DCX: variants seen among roughly 807,000 people sequenced by gnomAD.
The protein encoded by DCX is doublecortin.
DCX carries 4 observed loss-of-function variants against 20.9 expected under a neutral mutation model. That is an observed-to-expected ratio of 0.19 (90% CI 0.09 to 0.44). The LOEUF (loss-of-function observed/expected upper bound fraction) is 0.44, where lower values mean the gene tolerates loss of function less well. DCX is among the 20% of genes least tolerant of loss of function. The pLI is 0.99. For synonymous variants in DCX, 103 were observed against 111.4 expected (o/e 0.92, Z 0.47); for missense variants, 133 against 296.9 (o/e 0.45, Z 4.06).
chrX:111,296,801 T>C lies in DCX; in HGVS notation c.*4886A>G, dbSNP rs759483194. On this transcript the variant is annotated 3_prime_UTR_variant, in exon 7 of 7. Transcript: ENST00000636035. ...AAAAAAAAAAGTTAGTCTTGTCAAA[T>C]GATAGCCAATGTCACGCTAGCTAAG... is the stretch of plus-strand genomic sequence containing the variant. The C allele has an allele frequency of 6.7e-5, 7 of 105,165 alleles. No homozygotes were observed. The East Asian group carries it at 2.1e-3, about 31-fold the overall frequency. The allele number at this position is 105,165 out of a possible 1,213,427, so 8.7% of individuals were successfully genotyped here.
chrX:111,314,527 T>C (rs1268030374), intron 5 of DCX, among the ~76,000 whole-genome samples: 4 of 111,456 alleles, frequency 3.6e-5, no homozygotes, highest in Non-Finnish European at 7.5e-5. Context: ...AGTAGATTAA[T>C]GGTTTCCAAG....
At chrX:111,381,926 C>T (rs911070701) in intron 3 of DCX, among the ~76,000 whole-genome samples, 1 of 111,540 alleles carries the variant, frequency 9.0e-6, no homozygotes, top group Non-Finnish European at 1.9e-5. Context: ...CTAAAGCAAG[C>T]CTTTGATTCT....
At chrX:111,320,217 A>G (rs1256421911) in intron 5 of DCX, among the ~76,000 whole-genome samples, 2 of 112,103 alleles carry the variant, frequency 1.8e-5, no homozygotes, top group Admixed American at 1.9e-4. Context: ...GAGGCCCTAC[A>G]TTTACAGACT....
At chrX:111,348,184 T>C (rs1250692097) in intron 3 of DCX, among the ~76,000 whole-genome samples, 2 of 112,008 alleles carry the variant, frequency 1.8e-5, no homozygotes, top group Admixed American at 1.9e-4. Flanking sequence ...TCTGACACTA[T>C]AGGTACCTAA....
chrX:111,349,514 G>C (rs751037742), intron 3 of DCX, among the ~76,000 whole-genome samples: 17 of 111,194 alleles, frequency 1.5e-4, no homozygotes, highest in Non-Finnish European at 3.2e-4. Flanking sequence ...GGAGAGTGTA[G>C]GCATGAGAGG....
At chrX:111,335,084 C>T (rs895488449) in intron 3 of DCX, among the ~76,000 whole-genome samples, 3 of 111,695 alleles carry the variant, frequency 2.7e-5, no homozygotes, top group Non-Finnish European at 3.8e-5. Context: ...ATTTACCTGC[C>T]GCCACATCCT....
intron 3 of DCX, among the ~76,000 whole-genome samples, chrX:111,364,477 A>C (rs891801859): frequency 8.9e-6 from 1 of 112,456 alleles, no homozygotes; most frequent in Non-Finnish European, 1.9e-5. Flanking sequence ...GGATGTCAGG[A>C]AATTAAATCT....
chrX:111,312,788 G>A (rs1282551228), intron 5 of DCX, 52 bp from the exon 6 acceptor site: 3 of 1,119,004 alleles, frequency 2.7e-6, no homozygotes, highest in Middle Eastern at 2.4e-4. Flanking sequence ...GCATACAAAG[G>A]AGCAAGTTAT....
chrX:111,296,472 G>C lies in DCX; in HGVS notation c.*5215C>G, dbSNP rs1018391183. The C allele has an allele frequency of 8.9e-6, 1 of 111,896 alleles. No homozygotes were observed. The highest frequency in any genetic ancestry group is 1.9e-5 in the Non-Finnish European group (1 of 53,244). 9.2% of individuals were successfully genotyped at this position (111,896 alleles called of 1,213,427 possible). ...AAGGGATAAAAAATTAGTCTTGTCAGCTGGGCATGGTGGCTCATGCCTGTA... is the reference window on the plus strand; with the variant it reads ...AAGGGATAAAAAATTAGTCTTGTCACCTGGGCATGGTGGCTCATGCCTGTA... On this transcript the variant is annotated 3_prime_UTR_variant, in exon 7 of 7. Transcript: ENST00000636035.
At chrX:111,324,983 T>A (rs762174480) in intron 5 of DCX, among the ~76,000 whole-genome samples, 2 of 111,609 alleles carry the variant, frequency 1.8e-5, no homozygotes, top group East Asian at 5.7e-4. Context: ...TCTAAGCAGG[T>A]TTTAGAAGAA....
Position 111,410,263 on chromosome X carries a change from G to T in DCX, c.136C>A (p.Leu46Met). Residue 46 changes from leucine (L) to methionine (M), a missense_variant, in exon 2 of 7, where the codon CTG becomes ATG. Leu to Met is a conservative substitution (Grantham distance 15). Around this residue, in one of 2 missense-constraint regions of DCX, gnomAD observed 65 missense variants for 212.6 expected, o/e 0.31. Coordinates refer to ENST00000636035, the MANE Select transcript of DCX (RefSeq NM_001195553.2). Reference protein sequence around the residue: ...SFYRTRTLQALSNEKKAKKVR... With the variant: ...SFYRTRTLQAMSNEKKAKKVR... ...TTCTTGGCTTTCTTCTCATTACTCAGTGCCTGCAAGGTTCTGGTTCGGTAG... is the reference window on the plus strand; with the variant it reads ...TTCTTGGCTTTCTTCTCATTACTCATTGCCTGCAAGGTTCTGGTTCGGTAG... 8.3e-7 allele frequency: 1 copy of T among 1,211,604 alleles called. No individual in the cohort carries two copies. The highest frequency in any genetic ancestry group is 1.1e-6 in the Non-Finnish European group (1 of 895,511).
At chrX:111,407,205 G>C (rs921106860) in intron 2 of DCX, among the ~76,000 whole-genome samples, 1 of 111,633 alleles carries the variant, frequency 9.0e-6, no homozygotes, top group Non-Finnish European at 1.9e-5. Context: ...AGGGAATCTA[G>C]ATGGTTTCCT....
chrX:111,331,174 A>G (rs1921199678), intron 4 of DCX, 133 bp from the exon 5 acceptor site: 1 of 762,664 alleles, frequency 1.3e-6, no homozygotes, highest in Admixed American at 2.4e-5. Flanking sequence ...GGTCCTTATT[A>G]TTAGTAGGAG....
chrX:111,358,857 C>A (rs182225212), intron 3 of DCX, among the ~76,000 whole-genome samples: 214 of 111,455 alleles, frequency 1.9e-3, no homozygotes, highest in African/African-American at 6.5e-3. Context: ...CAACAGGAAG[C>A]AAAATTATAA....
At chrX:111,323,260 G>T (rs2095090957) in intron 5 of DCX, among the ~76,000 whole-genome samples, 1 of 111,825 alleles carries the variant, frequency 8.9e-6, no homozygotes. Context: ...TTGTGATCCT[G>T]GGGCTAACCT....
chrX:111,337,117 GT>G (rs985872497), intron 3 of DCX, among the ~76,000 whole-genome samples: 1 of 112,032 alleles, frequency 8.9e-6, no homozygotes, highest in Non-Finnish European at 1.9e-5. Flanking sequence ...TTCCAAGTTA[GT>G]TTTTTTGAGA....
chrX:111,348,063 C>T (rs1436356909), intron 3 of DCX, among the ~76,000 whole-genome samples: 1 of 112,289 alleles, frequency 8.9e-6, no homozygotes, highest in Non-Finnish European at 1.9e-5. Flanking sequence ...TCATTGGCCT[C>T]ATTTTTAATA....
In DCX at chrX:111,401,306, T is replaced by C. The variant is rs1064795427; in HGVS notation, c.389A>G (p.Asp130Gly). 8.3e-7 allele frequency: 1 copy of C among 1,211,551 alleles called. No individual in the cohort carries two copies. The highest frequency in any genetic ancestry group is 1.1e-6 in the Non-Finnish European group (1 of 895,168). ...EEGESYVCSSDNFFKKVEYTK... is the reference protein window; with the variant it reads ...EEGESYVCSSGNFFKKVEYTK... ...GTACTCCACCTTTTTAAAGAAGTTG[T>C]CTGAGGAACAGACATAGCTTTCCCC... is the stretch of plus-strand genomic sequence containing the variant. Residue 130 changes from aspartate to glycine, a missense_variant, in exon 3 of 7, where the codon GAC becomes GGC. Physicochemically the swap from Asp to Gly is moderately conservative, Grantham distance 94 (BLOSUM62 -1). This residue lies in a region of DCX where 65 missense variants were observed against 212.6 expected (regional missense o/e 0.31). Coordinates refer to ENST00000636035, the MANE Select transcript of DCX (RefSeq NM_001195553.2).
chrX:111,295,717 C>T lies in DCX; in HGVS notation c.*5970G>A, dbSNP rs1342234153. 1 of 112,355 alleles carries T rather than the reference C, an allele frequency of 8.9e-6. No individual in the cohort carries two copies. The highest frequency in any genetic ancestry group is 1.9e-5 in the Non-Finnish European group (1 of 53,280). 9.3% of individuals were successfully genotyped at this position (112,355 alleles called of 1,213,427 possible). A position where few individuals can be genotyped will look rare whatever the true frequency, so the allele number is the denominator to read the frequency against. On this transcript the variant is annotated 3_prime_UTR_variant, in exon 7 of 7. Transcript: ENST00000636035. The stretch of plus-strand genomic sequence containing the variant: ...TTTTTCTCTTCAGCTGATTATGTCT[C>T]TGAGCACGCTTCACTGCTCCACAAA...
Sources: allele counts gnomAD v4.1 joint callset (sites outside exome capture counted in the v4.1 genomes callset), GRCh38; gene constraint gnomAD v4.1.1; regional missense constraint gnomAD v4.1.1; transcripts MANE v1.5; gene names NCBI Gene and HGNC (gene_info 2026-07-23, HGNC 2026-07-21).